The following SATL1 variants were observed in gnomAD, a reference collection of about 807,000 sequenced individuals.
SATL1 encodes spermidine/spermine N(1)-acetyltransferase-like protein 1.
Under a neutral mutation model 51.8 loss-of-function variants are expected in SATL1, and 47 were observed. That is an observed-to-expected ratio of 0.91 (90% CI 0.72 to 1.16). SATL1 has a LOEUF of 1.16. Ranked by LOEUF, SATL1 falls within the 50% of genes most tolerant of loss-of-function variation. SATL1 has a pLI of 0.00. For synonymous variants in SATL1, 176 were observed against 182.4 expected, an observed-to-expected ratio of 0.97 and a Z score of 0.28; for missense variants, 520 against 526.4, an observed-to-expected ratio of 0.99 and a Z score of 0.12.
intron 2 of SATL1, among the ~76,000 whole-genome samples, chrX:85,144,824 C>T (rs1472942821): frequency 9.0e-6 from 1 of 110,891 alleles, no homozygotes; most frequent in Non-Finnish European, 1.9e-5. Flanking sequence ...CTCAGAAGTT[C>T]AAGACCAGCC....
chrX:85,170,676 C>T (rs752477456), intron 2 of SATL1, among the ~76,000 whole-genome samples: 1 of 111,306 alleles, frequency 9.0e-6, no homozygotes, highest in African/African-American at 3.2e-5. Context: ...GTTTGGATTC[C>T]AGTGTAAAAT....
At chrX:85,092,829 C>T (rs1924568159) in intron 7 of SATL1, 3 of 330,093 alleles carry the variant, frequency 9.1e-6, no homozygotes, top group Middle Eastern at 8.3e-4. Context: ...CACATGTTCT[C>T]ATATGTTTCC....
chrX:85,094,311 G>A lies in SATL1; in HGVS notation c.1775-82C>T, dbSNP rs184210743. 1.4e-3 allele frequency: 750 copies of A among 543,045 alleles called. 4 individuals carry two copies. The highest frequency in any genetic ancestry group is 0.014 in the East Asian group (403 of 29,670). The allele number at this position is 543,045 out of a possible 1,213,427, so 44.8% of individuals were successfully genotyped here. A position where few individuals can be genotyped will look rare whatever the true frequency, so the allele number is the denominator to read the frequency against. On this transcript the variant is annotated intron_variant, in intron 5 of 7. Transcript: ENST00000644105. ...ACCCCCAAATTGAATGTCTTTTGGC[G>A]TTTGTTTAACTATTAAAGTAATAAA...
At chrX:85,229,590 G>C (rs755482575) in intron 1 of SATL1, among the ~76,000 whole-genome samples, 2 of 108,867 alleles carry the variant, frequency 1.8e-5, no homozygotes, top group East Asian at 5.8e-4. Flanking sequence ...AGCAGGAAAA[G>C]CATTTGACAG....
intron 2 of SATL1, among the ~76,000 whole-genome samples, chrX:85,139,890 GCA>G (rs1230297899): frequency 2.7e-5 from 3 of 111,228 alleles, no homozygotes; most frequent in Non-Finnish European, 5.7e-5. Flanking sequence ...TATCATAAAT[GCA>G]CAGTTAGATA....
rs1569465146 is a variant in SATL1 at position 85,108,237 on chromosome X, G to C, written c.732C>G (p.Ser244Arg). The C allele has an allele frequency of 1.7e-6, 2 of 1,211,452 alleles. No individual in the cohort carries two copies. The highest frequency in any genetic ancestry group is 3.0e-5 in the East Asian group (1 of 33,800). Reference sequence around the variant, plus strand: ...AACTTGATTGGTTTGCGTCTGGTTGGCTCATGTCTGTTTGGTTCTTACATG... The same window carrying C: ...AACTTGATTGGTTTGCGTCTGGTTGCCTCATGTCTGTTTGGTTCTTACATG... ...SQSCKNQTDMSQPDANQSSLS... is the reference protein window; with the variant it reads ...SQSCKNQTDMRQPDANQSSLS... The change falls in exon 3 of 8, where the codon AGC becomes AGG. Residue 244 changes from serine (S) to arginine (R), a missense_variant. Around this residue, in one of 3 missense-constraint regions of SATL1, gnomAD observed 488 missense variants for 474.3 expected, o/e 1.03. Transcript: ENST00000644105.
At chrX:85,196,111 A>G (rs1927555805) in intron 2 of SATL1, among the ~76,000 whole-genome samples, 1 of 110,004 alleles carries the variant, frequency 9.1e-6, no homozygotes, top group Non-Finnish European at 1.9e-5. Flanking sequence ...ATACAAGATC[A>G]ATATACAAAA....
chrX:85,194,663 CA>C (rs2147746643), intron 2 of SATL1, among the ~76,000 whole-genome samples: 1 of 110,342 alleles, frequency 9.1e-6, no homozygotes, highest in South Asian at 3.9e-4. Flanking sequence ...GAAGATGTGG[CA>C]CATATACACC....
chrX:85,241,721 T>C (rs953259199), intron 1 of SATL1, among the ~76,000 whole-genome samples: 1 of 111,877 alleles, frequency 8.9e-6, no homozygotes, highest in African/African-American at 3.3e-5. Context: ...TAGCAATGTT[T>C]AAGCAGGGGA....
At chrX:85,187,521 T>G (rs758672445) in intron 2 of SATL1, among the ~76,000 whole-genome samples, 2 of 111,972 alleles carry the variant, frequency 1.8e-5, no homozygotes, top group Non-Finnish European at 3.8e-5. Flanking sequence ...AGAGTTTTTG[T>G]CACAAAAGGA....
At chrX:85,138,936 G>A (rs1416344713) in intron 2 of SATL1, among the ~76,000 whole-genome samples, 1 of 111,906 alleles carries the variant, frequency 8.9e-6, no homozygotes, top group Non-Finnish European at 1.9e-5. Context: ...GAAGAAATGA[G>A]ATGGGAGCCA....
intron 2 of SATL1, among the ~76,000 whole-genome samples, chrX:85,130,683 T>C (rs1925767923): frequency 9.0e-6 from 1 of 111,665 alleles, no homozygotes; most frequent in African/African-American, 3.3e-5. Flanking sequence ...TCTTGCCTTC[T>C]GCTAGCTTTT....
intron 2 of SATL1, among the ~76,000 whole-genome samples, chrX:85,221,591 G>A (rs1322632555): frequency 9.0e-6 from 1 of 111,585 alleles, no homozygotes; most frequent in Non-Finnish European, 1.9e-5. Context: ...CTCTTTTAGA[G>A]CCTTCCTGCA....
chrX:85,143,776 C>T (rs184402022), intron 2 of SATL1, among the ~76,000 whole-genome samples: 3 of 111,040 alleles, frequency 2.7e-5, no homozygotes, highest in African/African-American at 9.8e-5. Flanking sequence ...ATTCTATGGA[C>T]CAGTAACTAA....
At chrX:85,186,862 A>G (rs1927323521) in intron 2 of SATL1, among the ~76,000 whole-genome samples, 1 of 111,490 alleles carries the variant, frequency 9.0e-6, no homozygotes, top group African/African-American at 3.3e-5. Context: ...TAGTTGTTCA[A>G]TTTGGTGTTC....
rs1926377318 is a variant in SATL1 at position 85,149,970 on chromosome X, A to G, written c.-312-40690T>C. On this transcript the variant is annotated intron_variant, in intron 2 of 7. Transcript: ENST00000644105. The stretch of plus-strand genomic sequence containing the variant: ...GGCAAGAAATAACTAAAATCAGAGC[A>G]GAACTGAAAGAAATAGAAATACAAA... Among the ~76,000 whole-genome samples, 3 of 112,008 alleles carry G rather than the reference A, an allele frequency of 2.7e-5. No individual in the cohort carries two copies. The South Asian group carries it at 1.1e-3, about 42-fold the overall frequency.
At chrX:85,207,284 G>GT (rs892391838) in intron 2 of SATL1, 2 of 111,331 alleles carry the variant, frequency 1.8e-5, no homozygotes, top group Non-Finnish European at 3.8e-5. Flanking sequence ...TCTTTATTCT[G>GT]TAACAATTGG....
chrX:85,184,878 T>C (rs1927280373), intron 2 of SATL1, among the ~76,000 whole-genome samples: 2 of 112,238 alleles, frequency 1.8e-5, no homozygotes, highest in South Asian at 7.5e-4. Context: ...GAATGGTCTC[T>C]GCATGTGTAT....
At chrX:85,160,170 GA>G (rs927388459) in intron 2 of SATL1, among the ~76,000 whole-genome samples, 2 of 107,741 alleles carry the variant, frequency 1.9e-5, no homozygotes, top group East Asian at 2.9e-4. Context: ...TAGGAGAAAA[GA>G]AAAAAAAATC....
Sources: allele counts gnomAD v4.1 joint callset (sites outside exome capture counted in the v4.1 genomes callset), GRCh38; gene constraint gnomAD v4.1.1; regional missense constraint gnomAD v4.1.1; transcripts MANE v1.5; gene names NCBI Gene and HGNC (gene_info 2026-07-23, HGNC 2026-07-21).